CADPS2: variants seen among roughly 807,000 people sequenced by gnomAD.
CADPS2 encodes the protein calcium-dependent secretion activator 2.
Under a neutral mutation model 172.5 loss-of-function variants are expected in CADPS2, and 93 were observed. The ratio of observed to expected loss-of-function variants is 0.54; its 90% CI spans 0.46 to 0.64. The LOEUF (loss-of-function observed/expected upper bound fraction) is 0.64. Ranked by LOEUF, CADPS2 falls within the 30% of genes least tolerant of loss-of-function variation. The pLI is 0.00. For synonymous variants in CADPS2, 546 were observed against 555.2 expected, an observed-to-expected ratio of 0.98 and a Z score of 0.23; for missense variants, 1,420 against 1,565.9, an observed-to-expected ratio of 0.91 and a Z score of 1.57.
intron 14 of CADPS2, among the ~76,000 whole-genome samples, chr7:122,465,653 T>A (rs1047578380): frequency 6.6e-6 from 1 of 152,178 alleles, no homozygotes; most frequent in African/African-American, 2.4e-5. Flanking sequence ...CATCCTACCG[T>A]TCCACCCCAT....
chr7:122,817,826 C>A, intron 1 of CADPS2, among the ~76,000 whole-genome samples: 1 of 151,150 alleles, frequency 6.6e-6, no homozygotes, highest in East Asian at 2.0e-4. Flanking sequence ...CATGCCCCAA[C>A]CTCTTATATC....
chr7:122,333,406 A>G (rs2035325407), intron 28 of CADPS2, among the ~76,000 whole-genome samples: 1 of 152,174 alleles, frequency 6.6e-6, no homozygotes, highest in South Asian at 2.1e-4. Context: ...TGTCCTAAGG[A>G]CGGGAGTAGA....
chr7:122,726,773 CAAAAAA>C (rs35290526), intron 2 of CADPS2, among the ~76,000 whole-genome samples: 13 of 129,510 alleles, frequency 1.0e-4, no homozygotes, highest in African/African-American at 3.7e-4. Context: ...CTTCCTGATA[CAAAAAA>C]AAAAAAAAAA....
intron 1 of CADPS2, among the ~76,000 whole-genome samples, chr7:122,834,547 C>T (rs377293435): frequency 6.6e-6 from 1 of 152,242 alleles, no homozygotes; most frequent in Admixed American, 6.5e-5. Context: ...CAAGGAAAGC[C>T]GTGACAGACA....
intron 27 of CADPS2, among the ~76,000 whole-genome samples, chr7:122,352,265 C>T (rs1585198560): frequency 6.6e-6 from 1 of 152,342 alleles, no homozygotes; most frequent in African/African-American, 2.4e-5. Context: ...TCTCAGTTCA[C>T]TAGCCTTTCC....
chr7:122,673,632 T>C (rs1356864118), intron 2 of CADPS2, among the ~76,000 whole-genome samples: 2 of 151,904 alleles, frequency 1.3e-5, no homozygotes, highest in Non-Finnish European at 2.9e-5. Flanking sequence ...AGAGTGCTGA[T>C]TGGTGCAGCC....
chr7:122,538,311 T>C (rs566004752), intron 8 of CADPS2, among the ~76,000 whole-genome samples: 1 of 150,256 alleles, frequency 6.7e-6, no homozygotes, highest in South Asian at 2.1e-4. Context: ...ATGTGAAATT[T>C]GGCAGTGGAG....
intron 3 of CADPS2, among the ~76,000 whole-genome samples, chr7:122,635,467 C>A (rs2076982908): frequency 6.8e-6 from 1 of 146,624 alleles, no homozygotes; most frequent in South Asian, 2.3e-4. Context: ...GTGTGATGTT[C>A]CCCTTCCTGT....
intron 24 of CADPS2, among the ~76,000 whole-genome samples, chr7:122,383,878 G>A (rs1020928768): frequency 7.2e-5 from 11 of 152,104 alleles, no homozygotes; most frequent in Non-Finnish European, 1.3e-4. Context: ...ATTTAACTGA[G>A]AACAAATTTG....
At chr7:122,433,391 CTTTGTGTTTT>C (rs1481527620) in intron 17 of CADPS2, among the ~76,000 whole-genome samples, 1 of 147,582 alleles carries the variant, frequency 6.8e-6, no homozygotes, top group East Asian at 2.0e-4. Context: ...ATTGATTTTT[CTTTGTGTTTT>C]TTTGGTTTTT....
At chr7:122,742,198 G>T (rs183139085) in intron 1 of CADPS2, among the ~76,000 whole-genome samples, 5 of 151,384 alleles carry the variant, frequency 3.3e-5, no homozygotes, top group Admixed American at 6.6e-5. Context: ...CGAGACCAGC[G>T]TGGCCAACGT....
At chr7:122,485,418 A>G (rs1301350725) in intron 11 of CADPS2, among the ~76,000 whole-genome samples, 1 of 152,234 alleles carries the variant, frequency 6.6e-6, no homozygotes, top group Non-Finnish European at 1.5e-5. Flanking sequence ...TGATATGAAG[A>G]AAGTTTGAAT....
intron 13 of CADPS2, among the ~76,000 whole-genome samples, chr7:122,473,422 C>T (rs890641070): frequency 4.6e-5 from 7 of 152,132 alleles, no homozygotes; most frequent in Admixed American, 1.3e-4. Context: ...CTTAATTAGG[C>T]TAAGGTTTTT....
intron 2 of CADPS2, among the ~76,000 whole-genome samples, chr7:122,708,683 A>T (rs1165512218): frequency 6.6e-6 from 1 of 151,572 alleles, no homozygotes; most frequent in Non-Finnish European, 1.5e-5. Context: ...ATGGGCATAA[A>T]TAAACTAAAT....
intron 3 of CADPS2, among the ~76,000 whole-genome samples, chr7:122,650,377 T>A (rs575116158): frequency 6.1e-4 from 93 of 152,260 alleles, no homozygotes; most frequent in African/African-American, 2.1e-3. Flanking sequence ...TAGTTGAGAA[T>A]AGACTTTGAA....
At chr7:122,432,205 T>A (rs2050026297) in intron 17 of CADPS2, among the ~76,000 whole-genome samples, 1 of 152,096 alleles carries the variant, frequency 6.6e-6, no homozygotes, top group Non-Finnish European at 1.5e-5. Flanking sequence ...CAAGTATGAA[T>A]CTCATATCTG....
chr7:122,753,052 T>C (rs1283833156), intron 1 of CADPS2, among the ~76,000 whole-genome samples: 1 of 152,198 alleles, frequency 6.6e-6, no homozygotes. Flanking sequence ...ATTCTGGCAG[T>C]AGATCAAAGT....
chr7:122,885,461 T>C (rs1302143010), intron 1 of CADPS2, among the ~76,000 whole-genome samples: 2 of 152,042 alleles, frequency 1.3e-5, no homozygotes, highest in Admixed American at 1.3e-4. Context: ...TGTATGACAA[T>C]ATAGGAAACG....
At chr7:122,396,705 C>T (rs1038743607) in intron 20 of CADPS2, among the ~76,000 whole-genome samples, 5 of 152,312 alleles carry the variant, frequency 3.3e-5, no homozygotes, top group African/African-American at 1.2e-4. Context: ...CTTCTGCTGT[C>T]CCCTTGCCCA....
Sources: gnomAD v4.1 joint callset for allele counts (sites outside exome capture counted in the v4.1 genomes callset) on GRCh38, gnomAD v4.1.1 for gene constraint, MANE v1.5 for transcripts, NCBI Gene and HGNC (gene_info 2026-07-23, HGNC 2026-07-21) for gene names.